Variants in FNDC3A observed in about 807,000 individuals in gnomAD.
FNDC3A encodes fibronectin type-III domain-containing protein 3A.
FNDC3A carries 32 observed loss-of-function variants against 148.9 expected under a neutral mutation model. The observed-to-expected ratio is 0.21, with a 90% CI of 0.16 to 0.29. The LOEUF is 0.29. FNDC3A is among the 10% of genes least tolerant of loss of function. FNDC3A has a pLI of 1.00. For synonymous variants in FNDC3A, 472 were observed against 473.6 expected (o/e 1.00, Z 0.04); for missense variants, 1,191 against 1,452.8 (o/e 0.82, Z 2.93).
chr13:48,991,081 A>G (rs1231902475), intron 1 of FNDC3A, among the ~76,000 whole-genome samples: 2 of 152,192 alleles, frequency 1.3e-5, no homozygotes, highest in Non-Finnish European at 2.9e-5. Context: ...TGGTGATGTA[A>G]ATCCAGTCGT....
intron 2 of FNDC3A, among the ~76,000 whole-genome samples, chr13:49,074,775 C>T (rs1383749450): frequency 6.6e-6 from 1 of 151,930 alleles, no homozygotes; most frequent in African/African-American, 2.4e-5. Context: ...TCCCCAGTTT[C>T]CTGTTTTTTC....
At chr13:49,035,892 A>G (rs1391532467) in intron 2 of FNDC3A, among the ~76,000 whole-genome samples, 10 of 152,212 alleles carry the variant, frequency 6.6e-5, no homozygotes, top group Non-Finnish European at 1.0e-4. Flanking sequence ...TCCAAATTCA[A>G]ATTCGTTAGT....
intron 4 of FNDC3A, among the ~76,000 whole-genome samples, chr13:49,119,371 A>AG (rs1357774702): frequency 1.3e-5 from 2 of 152,202 alleles, no homozygotes; most frequent in African/African-American, 4.8e-5. Flanking sequence ...GGCCAAAGGT[A>AG]GATAAATCCA....
chr13:49,019,335 G>A (rs948921266), intron 2 of FNDC3A, among the ~76,000 whole-genome samples: 3 of 152,240 alleles, frequency 2.0e-5, no homozygotes, highest in Non-Finnish European at 4.4e-5. Context: ...TCGGAAAAGC[G>A]CAGTAGGCGG....
At chr13:49,050,685 A>G (rs1875770986) in intron 2 of FNDC3A, among the ~76,000 whole-genome samples, 1 of 152,046 alleles carries the variant, frequency 6.6e-6, no homozygotes, top group Admixed American at 6.6e-5. Context: ...ATTTAAGTCC[A>G]TTGTTTCTTT....
At chr13:49,113,894 TA>T (rs898282326) in intron 3 of FNDC3A, among the ~76,000 whole-genome samples, 3 of 152,132 alleles carry the variant, frequency 2.0e-5, no homozygotes, top group African/African-American at 7.2e-5. Flanking sequence ...CCAGAAATGT[TA>T]AAAGAGAAGG....
chr13:49,145,040 A>G (rs1192137608), intron 7 of FNDC3A, among the ~76,000 whole-genome samples: 1 of 152,156 alleles, frequency 6.6e-6, no homozygotes, highest in Non-Finnish European at 1.5e-5. Context: ...TTTGCCATTA[A>G]TAATGCTGCA....
intron 1 of FNDC3A, chr13:48,987,999 T>C (rs1163219150): frequency 6.6e-6 from 1 of 152,178 alleles, no homozygotes; most frequent in Non-Finnish European, 1.5e-5. Flanking sequence ...CACAAATTCA[T>C]GAAGCGTTCT....
At chr13:49,035,065 A>G (rs952206518) in intron 2 of FNDC3A, among the ~76,000 whole-genome samples, 1 of 152,088 alleles carries the variant, frequency 6.6e-6, no homozygotes, top group Admixed American at 6.5e-5. Context: ...TAATTACTGT[A>G]AAGTCCTTAT....
intron 2 of FNDC3A, chr13:49,046,404 C>A: frequency 5.2e-6 from 1 of 190,810 alleles, no homozygotes. Context: ...GAATACCATG[C>A]TTCTTTGATA....
chr13:49,007,571 G>C lies in FNDC3A; in HGVS notation c.99+1282G>C, dbSNP rs367995775. Among the ~76,000 whole-genome samples, 606 of 152,226 alleles carry C rather than the reference G, an allele frequency of 4.0e-3. 3 individuals are homozygous for C. The highest frequency in any genetic ancestry group is 0.011 in the South Asian group (52 of 4,824). On this transcript the variant is annotated intron_variant, in intron 2 of 25. Transcript: ENST00000492622. The stretch of plus-strand genomic sequence containing the variant: ...ATTAAGCAGTTAATTACAGTACATT[G>C]ATAGAGTTGCATATTCTGTTAAGGG...
intron 1 of FNDC3A, 57 bp downstream of exon 1, chr13:48,976,234 C>G (rs1951595570): frequency 1.3e-5 from 2 of 152,362 alleles, no homozygotes; most frequent in African/African-American, 4.8e-5. Flanking sequence ...CGTCCCAACC[C>G]CGTCCCGCCC....
chr13:49,119,685 C>T (rs1382516094), intron 4 of FNDC3A, among the ~76,000 whole-genome samples: 4 of 151,542 alleles, frequency 2.6e-5, no homozygotes, highest in Non-Finnish European at 5.9e-5. Context: ...AAGAACTTCG[C>T]GAAGCATACA....
At chr13:49,125,733 AAAC>A (rs1881653642) in intron 4 of FNDC3A, among the ~76,000 whole-genome samples, 1 of 152,324 alleles carries the variant, frequency 6.6e-6, no homozygotes, top group Non-Finnish European at 1.5e-5. Context: ...TGGGGGAAAA[AAAC>A]AATAAATAAA....
At chr13:49,115,192 G>A (rs1437939738) in intron 4 of FNDC3A, among the ~76,000 whole-genome samples, 4 of 119,326 alleles carry the variant, frequency 3.4e-5, no homozygotes, top group Admixed American at 2.4e-4. Context: ...GAGGGGGGGG[G>A]GGAAATAAAA....
intron 2 of FNDC3A, among the ~76,000 whole-genome samples, chr13:49,039,739 A>G (rs1454468060): frequency 6.6e-6 from 1 of 151,836 alleles, no homozygotes. Flanking sequence ...TCTGAGACGG[A>G]GTTTCGCTCT....
intron 2 of FNDC3A, among the ~76,000 whole-genome samples, chr13:49,029,375 G>A (rs770794897): frequency 5.9e-5 from 9 of 152,202 alleles, no homozygotes; most frequent in Middle Eastern, 3.4e-3. Context: ...TGGTATGAAC[G>A]AAAACCATGA....
chr13:49,073,154 CAATAAATAACATTGGCTACAGGAAAAT>C (rs1877816707), intron 2 of FNDC3A, among the ~76,000 whole-genome samples: 2 of 151,768 alleles, frequency 1.3e-5, no homozygotes, highest in South Asian at 4.2e-4. Flanking sequence ...CAAAGGAAAA[CAATAAATAACATTGGCTACAGGAAAAT>C]AAAGAATTTA....
intron 2 of FNDC3A, among the ~76,000 whole-genome samples, chr13:49,018,435 G>A (rs181625872): frequency 6.8e-5 from 10 of 147,274 alleles, no homozygotes; most frequent in Admixed American, 2.0e-4. Flanking sequence ...GTTCTCGAGC[G>A]TTGGTTTTCA....
Sources: allele counts gnomAD v4.1 joint callset (sites outside exome capture counted in the v4.1 genomes callset), GRCh38; gene constraint gnomAD v4.1.1; transcripts MANE v1.5; gene names NCBI Gene and HGNC (gene_info 2026-07-23, HGNC 2026-07-21).